Variants in PCDH7 observed in about 807,000 individuals in gnomAD.
PCDH7 encodes protocadherin-7.
Under a neutral mutation model 58.9 loss-of-function variants are expected in PCDH7, and 17 were observed. That is an observed-to-expected ratio of 0.29 (90% CI 0.20 to 0.43). The LOEUF is 0.43. Ranked by LOEUF, PCDH7 falls within the 20% of genes least tolerant of loss-of-function variation. The pLI, the probability that PCDH7 is intolerant of heterozygous loss-of-function variation, is 1.00. For missense variants in PCDH7, 1,274 were observed against 1,441.0 expected (o/e 0.88, Z 1.88); for synonymous variants, 664 against 616.4 (o/e 1.08, Z -1.14).
chr4:31,104,996 G>T (rs1004189027), intron 3 of PCDH7, among the ~76,000 whole-genome samples: 12 of 152,172 alleles, frequency 7.9e-5, no homozygotes, highest in Non-Finnish European at 4.4e-5. Flanking sequence ...ATTGGTATGT[G>T]ATATTTCAAA....
At chr4:31,087,396 A>G (rs1712589020) in intron 3 of PCDH7, among the ~76,000 whole-genome samples, 1 of 152,160 alleles carries the variant, frequency 6.6e-6, no homozygotes, top group South Asian at 2.1e-4. Flanking sequence ...TTCTTAAGGA[A>G]AAACTCAAAT....
chr4:30,764,216 T>G (rs1244544822), intron 1 of PCDH7, among the ~76,000 whole-genome samples: 1 of 152,148 alleles, frequency 6.6e-6, no homozygotes, highest in African/African-American at 2.4e-5. Flanking sequence ...TTACACACAC[T>G]TCATTGACAT....
intron 3 of PCDH7, among the ~76,000 whole-genome samples, chr4:31,039,085 T>C (rs529483557): frequency 1.3e-5 from 2 of 152,314 alleles, no homozygotes; most frequent in South Asian, 4.1e-4. Flanking sequence ...TGAAATAATT[T>C]CTGTAAGAAT....
chr4:31,117,978 T>G (rs550734413), intron 3 of PCDH7, among the ~76,000 whole-genome samples: 118 of 152,340 alleles, frequency 7.7e-4, no homozygotes, highest in Non-Finnish European at 1.3e-3. Context: ...GCAATTATCT[T>G]ATGAAAGTCA....
intron 3 of PCDH7, among the ~76,000 whole-genome samples, chr4:31,118,424 T>C (rs1482661315): frequency 6.6e-6 from 1 of 152,190 alleles, no homozygotes; most frequent in South Asian, 2.1e-4. Context: ...CTAAAATATA[T>C]GCCTCTGCCT....
intron 3 of PCDH7, among the ~76,000 whole-genome samples, chr4:30,976,425 G>C (rs939966614): frequency 7.6e-6 from 1 of 132,202 alleles, no homozygotes; most frequent in Non-Finnish European, 1.5e-5. Context: ...TTTTGAGACG[G>C]AGTCTCACCC....
intron 1 of PCDH7, among the ~76,000 whole-genome samples, chr4:30,893,940 G>T (rs190499037): frequency 4.3e-4 from 66 of 152,176 alleles, no homozygotes; most frequent in African/African-American, 1.6e-3. Context: ...GTCAAATATG[G>T]TACAGGGAGG....
intron 3 of PCDH7, among the ~76,000 whole-genome samples, chr4:30,990,572 A>C (rs1000291697): frequency 6.6e-6 from 1 of 152,144 alleles, no homozygotes; most frequent in East Asian, 1.9e-4. Flanking sequence ...AAGAATATAA[A>C]TCAATCTACC....
chr4:31,083,075 T>C (rs930613568), intron 3 of PCDH7, among the ~76,000 whole-genome samples: 2 of 151,984 alleles, frequency 1.3e-5, no homozygotes, highest in African/African-American at 4.8e-5. Flanking sequence ...GCCACTGCAC[T>C]CCAGCCTGGG....
rs959134033 is a variant in PCDH7 at position 30,858,549 on chromosome 4, A to C, written c.71-61604A>C. Reference sequence around the variant, plus strand: ...AATTTATCACTGAAGTTATATTCAGAGGTAGGCCTATAGCTAGGCACATTA... The same window carrying C: ...AATTTATCACTGAAGTTATATTCAGCGGTAGGCCTATAGCTAGGCACATTA... On this transcript the variant is annotated intron_variant, in intron 1 of 3. Transcript: ENST00000509759. 5.3e-5 allele frequency among the ~76,000 whole-genome samples: 8 copies of C among 152,314 alleles called. No individual in the cohort carries two copies. In the East Asian group the frequency reaches 1.5e-3, roughly 29 times the overall value.
chr4:30,852,739 G>A (rs537596191), intron 1 of PCDH7, among the ~76,000 whole-genome samples: 44 of 150,166 alleles, frequency 2.9e-4, no homozygotes, highest in East Asian at 9.9e-4. Context: ...TATTGGCCTC[G>A]GATGAGATGG....
chr4:31,118,943 C>A (rs960444466), intron 3 of PCDH7, among the ~76,000 whole-genome samples: 7 of 151,982 alleles, frequency 4.6e-5, no homozygotes, highest in African/African-American at 1.7e-4. Flanking sequence ...TCTTTTTTAA[C>A]CTCTAGGGCG....
intron 1 of PCDH7, among the ~76,000 whole-genome samples, chr4:30,781,510 A>C (rs970037410): frequency 2.0e-5 from 3 of 151,494 alleles, no homozygotes. Context: ...TATGATGAGG[A>C]ATTCGTATAA....
At chr4:30,798,341 T>C (rs1253522744) in intron 1 of PCDH7, among the ~76,000 whole-genome samples, 1 of 152,172 alleles carries the variant, frequency 6.6e-6, no homozygotes, top group Non-Finnish European at 1.5e-5. Flanking sequence ...ATATCTGGGT[T>C]GTATGCTTAC....
intron 3 of PCDH7, among the ~76,000 whole-genome samples, chr4:31,028,434 TAA>T (rs994109987): frequency 6.6e-6 from 1 of 152,122 alleles, no homozygotes; most frequent in African/African-American, 2.4e-5. Context: ...TAGGACCTCT[TAA>T]GGACAGAAGT....
intron 3 of PCDH7, among the ~76,000 whole-genome samples, chr4:30,970,663 A>G (rs569761230): frequency 8.9e-4 from 136 of 152,254 alleles, no homozygotes; most frequent in African/African-American, 3.1e-3. Context: ...CAAAAGGAAA[A>G]GGTTTTTTTT....
intron 1 of PCDH7, among the ~76,000 whole-genome samples, chr4:30,755,038 T>C (rs1418779202): frequency 2.0e-5 from 3 of 152,150 alleles, no homozygotes; most frequent in South Asian, 2.1e-4. Flanking sequence ...GGTTTGGGGT[T>C]TAACAACTTT....
At chr4:30,780,616 CT>C (rs1722658541) in intron 1 of PCDH7, among the ~76,000 whole-genome samples, 1 of 151,998 alleles carries the variant, frequency 6.6e-6, no homozygotes, top group Admixed American at 6.5e-5. Context: ...AGAACAGGCT[CT>C]TCTAGAGCAC....
chr4:30,870,951 T>C (rs767842229), intron 1 of PCDH7, among the ~76,000 whole-genome samples: 6 of 152,178 alleles, frequency 3.9e-5, no homozygotes, highest in Admixed American at 1.3e-4. Flanking sequence ...TTATGTGCAA[T>C]ACTTAGCAGT....
Sources: allele counts gnomAD v4.1 joint callset (sites outside exome capture counted in the v4.1 genomes callset), GRCh38; gene constraint gnomAD v4.1.1; transcripts MANE v1.5; gene names NCBI Gene and HGNC (gene_info 2026-07-23, HGNC 2026-07-21).